Variants in PDE8B observed in about 807,000 individuals in gnomAD.
PDE8B encodes the protein phosphodiesterase 8B, also known as high affinity cAMP-specific and IBMX-insensitive 3',5'-cyclic phosphodiesterase 8B.
PDE8B carries 26 observed loss-of-function variants against 101.3 expected under a neutral mutation model. That is an observed-to-expected ratio of 0.26 (90% CI 0.19 to 0.36). The LOEUF (loss-of-function observed/expected upper bound fraction) is 0.36. Among genes scored for constraint, PDE8B ranks in the 10% least tolerant of loss-of-function variants. The pLI, the probability that PDE8B is intolerant of heterozygous loss-of-function variation, is 1.00. For missense variants in PDE8B, 810 were observed against 1,163.1 expected (o/e 0.70, Z 4.42); for synonymous variants, 424 against 429.3 (o/e 0.99, Z 0.15).
chr5:77,284,214 T>G (rs551506390), intron 1 of PDE8B, among the ~76,000 whole-genome samples: 1 of 152,344 alleles, frequency 6.6e-6, no homozygotes, highest in South Asian at 2.1e-4. Context: ...TCTTTGTGAA[T>G]TTTGGTTAAC....
intron 1 of PDE8B, chr5:77,290,867 G>A: frequency 6.3e-7 from 1 of 1,576,676 alleles, no homozygotes. Flanking sequence ...TCATTAGTGT[G>A]GCTGTCACAA....
intron 17 of PDE8B, among the ~76,000 whole-genome samples, chr5:77,415,389 A>G (rs180886494): frequency 3.3e-4 from 40 of 120,056 alleles, no homozygotes; most frequent in East Asian, 3.1e-3. Flanking sequence ...ATGAAGTCTC[A>G]CTCTGTCACC....
At chr5:77,195,819 A>G in the PDE8B span, among the ~76,000 whole-genome samples, 2 of 152,356 alleles carry the variant, frequency 1.3e-5, no homozygotes, top group Admixed American at 6.5e-5. Context: ...GTGGATCATC[A>G]TAAAGGTCTT....
chr5:77,237,062 T>C (rs1289062709), intron 1 of PDE8B, among the ~76,000 whole-genome samples: 2 of 151,414 alleles, frequency 1.3e-5, no homozygotes, highest in African/African-American at 4.9e-5. Context: ...TTTTCTTTAA[T>C]CTAAAGTTTA....
chr5:77,365,160 AC>A (rs1307680876), intron 10 of PDE8B, among the ~76,000 whole-genome samples: 1 of 152,158 alleles, frequency 6.6e-6, no homozygotes, highest in African/African-American at 2.4e-5. Context: ...GTGGCTCCCA[AC>A]CTTGGCTGCA....
At chr5:77,425,005 GT>G (rs1216027534) in intron 20 of PDE8B, among the ~76,000 whole-genome samples, 2 of 152,024 alleles carry the variant, frequency 1.3e-5, no homozygotes, top group African/African-American at 4.8e-5. Context: ...CTTTTTTTAA[GT>G]GCAAACATGT....
intron 3 of PDE8B, among the ~76,000 whole-genome samples, chr5:77,328,262 G>A (rs1374535299): frequency 6.6e-6 from 1 of 152,148 alleles, no homozygotes; most frequent in African/African-American, 2.4e-5. Flanking sequence ...CAGAATCTGG[G>A]CTGTAGCATG....
At chr5:77,294,274 C>T (rs1456467434) in intron 1 of PDE8B, among the ~76,000 whole-genome samples, 2 of 152,096 alleles carry the variant, frequency 1.3e-5, no homozygotes, top group East Asian at 3.9e-4. Context: ...AGGAAGTCTG[C>T]AGGAGGAAGC....
chr5:77,363,385 G>A (rs1783493332), intron 10 of PDE8B, among the ~76,000 whole-genome samples: 1 of 152,172 alleles, frequency 6.6e-6, no homozygotes, highest in Admixed American at 6.5e-5. Context: ...CATAGAGGAG[G>A]TGTTGACTGA....
At chr5:77,261,055 A>G (rs1760478738) in intron 1 of PDE8B, among the ~76,000 whole-genome samples, 1 of 152,210 alleles carries the variant, frequency 6.6e-6, no homozygotes, top group Non-Finnish European at 1.5e-5. Context: ...ACTGTGCATA[A>G]AGTCTGCCTG....
intron 1 of PDE8B, among the ~76,000 whole-genome samples, chr5:77,213,405 A>G (rs1356180360): frequency 6.6e-6 from 1 of 152,348 alleles, no homozygotes; most frequent in Non-Finnish European, 1.5e-5. Context: ...AATCTTACAG[A>G]ATTATTATCA....
intron 1 of PDE8B, among the ~76,000 whole-genome samples, chr5:77,282,640 G>A (rs756819753): frequency 1.3e-5 from 2 of 151,940 alleles, no homozygotes; most frequent in Admixed American, 6.6e-5. Flanking sequence ...TGCCTGCAGC[G>A]GCTGGACTCC....
chr5:77,129,799 G>T, the PDE8B span, among the ~76,000 whole-genome samples: 3 of 150,988 alleles, frequency 2.0e-5, no homozygotes, highest in African/African-American at 7.3e-5. Context: ...AAAAGAATTG[G>T]CATAACGTCA....
Position 77,378,040 on chromosome 5 carries a change from ACACACAC to A in PDE8B, c.1168-22207_1168-22201del, listed in dbSNP as rs780396204. Among the ~76,000 whole-genome samples the A allele has an allele frequency of 9.4e-4, 129 of 137,058 alleles. 1 individual carries two copies. Among genetic ancestry groups the A allele is most frequent in the Non-Finnish European group, 1.5e-3 (92 of 61,070 alleles). The allele number at this position is 137,058 out of a possible 152,430, so 89.9% of individuals were successfully genotyped here. On this transcript the variant is annotated intron_variant, in intron 10 of 21. Transcript: ENST00000264917. ...CACACACACACACACACACACACAC[ACACACAC>A]ACCCCCTGTTGGTTCTTTGTCTAGA...
At chr5:77,423,196 C>A (rs1242395782) in intron 20 of PDE8B, among the ~76,000 whole-genome samples, 1 of 152,176 alleles carries the variant, frequency 6.6e-6, no homozygotes, top group African/African-American at 2.4e-5. Flanking sequence ...TGATTTCATT[C>A]TTTTTTATGG....
chr5:77,122,362 C>T, the PDE8B span, among the ~76,000 whole-genome samples: 2 of 152,322 alleles, frequency 1.3e-5, no homozygotes, highest in Admixed American at 6.5e-5. Flanking sequence ...AGCATAGGAA[C>T]ACCTCTTTTT....
intron 12 of PDE8B, 47 bp from the exon 13 acceptor site, chr5:77,407,324 GCACTTAGCCA>G (rs1793671651): frequency 7.5e-7 from 1 of 1,335,154 alleles, no homozygotes. Context: ...CTCCTTTGCT[GCACTTAGCCA>G]CACTGAGCCA....
chr5:77,241,063 A>G (rs1755668453), intron 1 of PDE8B, among the ~76,000 whole-genome samples: 1 of 152,244 alleles, frequency 6.6e-6, no homozygotes, highest in Admixed American at 6.5e-5. Context: ...GTTGCAATCA[A>G]CAAGGGAGAC....
At chr5:77,266,013 A>G (rs1761636549) in intron 1 of PDE8B, among the ~76,000 whole-genome samples, 1 of 152,188 alleles carries the variant, frequency 6.6e-6, no homozygotes, top group African/African-American at 2.4e-5. Flanking sequence ...GCTGCTCAGG[A>G]AAAAAGGGGT....
Sources: gnomAD v4.1 joint callset for allele counts (sites outside exome capture counted in the v4.1 genomes callset) on GRCh38, gnomAD v4.1.1 for gene constraint, MANE v1.5 for transcripts, NCBI Gene and HGNC (gene_info 2026-07-23, HGNC 2026-07-21) for gene names.